DYNC2H1: variants seen among roughly 807,000 people sequenced by gnomAD.
The protein encoded by DYNC2H1 is dynein cytoplasmic 2 heavy chain 1.
DYNC2H1 carries 410 observed loss-of-function variants against 570.0 expected under a neutral mutation model. That is an observed-to-expected ratio of 0.72 (90% CI 0.66 to 0.78). The LOEUF (loss-of-function observed/expected upper bound fraction) is 0.78. Among genes scored for constraint, DYNC2H1 ranks in the 30% least tolerant of loss-of-function variants. DYNC2H1 has a pLI of 0.00. For missense variants in DYNC2H1, 4,865 were observed against 5,046.4 expected, an observed-to-expected ratio of 0.96 and a Z score of 1.09; for synonymous variants, 1,688 against 1,677.6, an observed-to-expected ratio of 1.01 and a Z score of -0.15.
At chr11:103,229,769 A>G (rs561449042) in intron 59 of DYNC2H1, among the ~76,000 whole-genome samples, 2 of 152,230 alleles carry the variant, frequency 1.3e-5, no homozygotes, top group South Asian at 2.1e-4. Context: ...CACATCTTCC[A>G]TGGTAGAAAG....
Position 103,303,093 on chromosome 11 carries a change from G to T in DYNC2H1, c.11096G>T (p.Gly3699Val). 1.3e-6 allele frequency: 2 copies of T among 1,502,844 alleles called. No homozygotes were observed. Among genetic ancestry groups the T allele is most frequent in the South Asian group, 1.4e-5 (1 of 69,848 alleles). The allele number at this position is 1,502,844 out of a possible 1,614,324, so 93.1% of individuals were successfully genotyped here. ...AMALFACKTL[G>V]LKEVSPLPLN... is the part of the protein sequence containing the mutation. ...TTAATTTTTAAAATATATATTTTAG[G>T]ACTGAAAGAGGTGTCCCCACTGCCT... Residue 3699 changes from glycine (G) to valine (V), a missense_variant and splice_region_variant, in exon 76 of 89, where the codon GGA becomes GTA. Around this residue, in one of 5 missense-constraint regions of DYNC2H1, gnomAD observed 2,401 missense variants for 2,454.6 expected, o/e 0.98. Transcript: ENST00000375735.
At chr11:103,248,570 G>A (rs918519728) in intron 65 of DYNC2H1, among the ~76,000 whole-genome samples, 3 of 151,996 alleles carry the variant, frequency 2.0e-5, no homozygotes, top group African/African-American at 7.2e-5. Flanking sequence ...GGAATCTATG[G>A]TGGCCACTGC....
At chr11:103,468,297 C>A (rs1330999174) in intron 87 of DYNC2H1, 11 of 185,208 alleles carry the variant, frequency 5.9e-5, no homozygotes, top group Admixed American at 2.4e-4. Flanking sequence ...GCTTTTGCCA[C>A]TGTAATTCTA....
rs980264012 is a variant in DYNC2H1 at position 103,326,883 on chromosome 11, C to T, written c.12039+2893C>T. On this transcript the variant is annotated intron_variant, in intron 82 of 88. Transcript: ENST00000375735. The surrounding 1 kb of genome is among the most constrained non-coding windows in gnomAD (Gnocchi z 6.1). Reference sequence around the variant, plus strand: ...CACTTAGGGCCTTACTCTACTACAGCTGTCCTGCACACAAAAGCTCCTGAG... The same window carrying T: ...CACTTAGGGCCTTACTCTACTACAGTTGTCCTGCACACAAAAGCTCCTGAG... 2.6e-5 allele frequency among the ~76,000 whole-genome samples: 4 copies of T among 152,224 alleles called. No individual in the cohort carries two copies. Among genetic ancestry groups the T allele is most frequent in the Admixed American group, 6.5e-5 (1 of 15,286 alleles).
intron 75 of DYNC2H1, among the ~76,000 whole-genome samples, chr11:103,297,472 C>G (rs1354342171): frequency 6.6e-6 from 1 of 151,978 alleles, no homozygotes; most frequent in African/African-American, 2.4e-5. Flanking sequence ...ATAGAGTGTA[C>G]GTAAACCTTG....
At chr11:103,320,233 G>A (rs11225714) in intron 80 of DYNC2H1, among the ~76,000 whole-genome samples, 24,962 of 151,888 alleles carry the variant, frequency 0.16, 2,241 homozygotes, top group Admixed American at 0.26. Context: ...GTGAAATCCC[G>A]TCTCTACTAA....
In DYNC2H1 at chr11:103,191,545, A is replaced by G. The variant is rs1862311855; in HGVS notation, c.7466A>G (p.Tyr2489Cys). Residue 2489 changes from tyrosine to cysteine, a missense_variant, in exon 46 of 89, where the codon TAT becomes TGT. Transcript: ENST00000375735. ...QVRAKFTVDD[Y>C]SHYFFTPCIL... ...CGAGCCAAATTTACAGTTGATGATT[A>G]TAGTCACTATTTCTTTACTCCTTGC... 6.2e-7 allele frequency: 1 copy of G among 1,608,898 alleles called. No individual in the cohort carries two copies. The highest frequency in any genetic ancestry group is 1.3e-5 in the African/African-American group (1 of 74,846).
rs1861441580 is a variant in DYNC2H1, at chr11:103,168,797, A to G, written c.4805A>G (p.Asp1602Gly). Reference protein sequence around the residue: ...LELKLKALILDIIHNIDVVKQ... With the variant: ...LELKLKALILGIIHNIDVVKQ... ...CTTAAACTTAAAGCCCTAATTCTTG[A>G]CATTATCCATAATATTGATGTGGTA... The change falls in exon 32 of 89, where the codon GAC (aspartate) becomes GGC (glycine). Residue 1602 changes from aspartate to glycine, a missense_variant. By Grantham distance (94) the Asp-to-Gly change is moderately conservative. Around this residue, in one of 5 missense-constraint regions of DYNC2H1, gnomAD observed 1,936 missense variants for 1,962.1 expected, o/e 0.99. Coordinates refer to ENST00000375735, the MANE Select transcript of DYNC2H1 (RefSeq NM_001377.3). 2.5e-6 allele frequency: 4 copies of G among 1,613,112 alleles called. No individual in the cohort carries two copies. Among genetic ancestry groups the G allele is most frequent in the African/African-American group, 2.7e-5 (2 of 74,894 alleles).
intron 84 of DYNC2H1, among the ~76,000 whole-genome samples, chr11:103,433,569 A>G (rs1308327359): frequency 6.6e-6 from 1 of 152,118 alleles, no homozygotes; most frequent in Non-Finnish European, 1.5e-5. Flanking sequence ...GTCAACTGTG[A>G]GTGAGAGGAG....
chr11:103,353,909 T>C (rs935315357), intron 82 of DYNC2H1, among the ~76,000 whole-genome samples: 1 of 152,084 alleles, frequency 6.6e-6, no homozygotes, highest in Non-Finnish European at 1.5e-5. Flanking sequence ...CCGGGTGCGG[T>C]GGCTCACACC....
chr11:103,121,040 A>G lies in DYNC2H1; in HGVS notation c.1360+4A>G, dbSNP rs761686119. 6.6e-7 allele frequency: 1 copy of G among 1,513,622 alleles called. No homozygotes were observed. Among genetic ancestry groups the G allele is most frequent in the Non-Finnish European group, 8.9e-7 (1 of 1,120,112 alleles). 93.8% of individuals were successfully genotyped at this position (1,513,622 alleles called of 1,614,324 possible). ...AGACTTGTGGACTCAATTAAAGGTA[A>G]AAGTTTATGAGATTATAGTGTTTGC... On this transcript the variant is annotated splice_donor_region_variant and intron_variant, in intron 9 of 88. Transcript: ENST00000375735.
intron 75 of DYNC2H1, among the ~76,000 whole-genome samples, chr11:103,302,053 A>G (rs533411511): frequency 3.4e-4 from 51 of 152,172 alleles, no homozygotes; most frequent in African/African-American, 1.2e-3. Context: ...TATATTAATA[A>G]TGGAAACTTT....
intron 84 of DYNC2H1, chr11:103,406,805 A>T (rs940414368): frequency 6.6e-6 from 1 of 151,990 alleles, no homozygotes. Context: ...GTGTTTATTG[A>T]TGGGAAAATT....
Position 103,113,567 on chromosome 11 carries a change from C to A in DYNC2H1, c.226C>A (p.Leu76Met). The A allele has an allele frequency of 1.3e-6, 2 of 1,575,444 alleles. No individual in the cohort carries two copies. Among genetic ancestry groups the A allele is most frequent in the South Asian group, 1.2e-5 (1 of 81,270 alleles). ...IEFGDTKDKV[L>M]VFFKLRPEVI... Reference sequence around the variant, plus strand: ...GTTTGGTGACACAAAAGATAAAGTGCTGGTGTTTTTCAAGCTGCGACCTGA... The same window carrying A: ...GTTTGGTGACACAAAAGATAAAGTGATGGTGTTTTTCAAGCTGCGACCTGA... The change falls in exon 2 of 89, where the codon CTG becomes ATG. Residue 76 changes from leucine to methionine, a missense_variant. Coordinates refer to ENST00000375735, the MANE Select transcript of DYNC2H1 (RefSeq NM_001377.3).
chr11:103,216,419 C>CT, intron 55 of DYNC2H1, among the ~76,000 whole-genome samples: 1 of 152,080 alleles, frequency 6.6e-6, no homozygotes, highest in East Asian at 1.9e-4. Context: ...TTATATTGCT[C>CT]TTACTACCAG....
In DYNC2H1 at chr11:103,326,780, A is replaced by C. The variant is rs1938511973; in HGVS notation, c.12039+2790A>C. 6.6e-6 allele frequency among the ~76,000 whole-genome samples: 1 copy of C among 152,222 alleles called. No homozygotes were observed. On this transcript the variant is annotated intron_variant, in intron 82 of 88. Coordinates refer to ENST00000375735, the MANE Select transcript of DYNC2H1 (RefSeq NM_001377.3). The surrounding 1 kb of genome is among the most constrained non-coding windows in gnomAD (Gnocchi z 6.1). ...GTGCCCCAATCCTGTGGGGGAAGCC[A>C]GCCTGCTGTCTCTTGGCCTGGCAGT...
chr11:103,161,381 C>T (rs906825096), intron 29 of DYNC2H1, among the ~76,000 whole-genome samples: 10 of 152,034 alleles, frequency 6.6e-5, no homozygotes, highest in African/African-American at 2.2e-4. Context: ...AATCTCAGTA[C>T]AGGTGGAGTA....
In DYNC2H1 at chr11:103,163,074, A is replaced by T. The variant is rs1173677747; in HGVS notation, c.4538A>T (p.Gln1513Leu). 2 of 1,613,202 alleles carry T rather than the reference A, an allele frequency of 1.2e-6. No individual in the cohort carries two copies. The highest frequency in any genetic ancestry group is 3.3e-5 in the Admixed American group (2 of 60,002). Residue 1513 changes from glutamine (Q) to leucine (L), a missense_variant, in exon 30 of 89, where the codon CAG becomes CTG. Gln to Leu is a moderately radical substitution (Grantham distance 113). This residue lies in a region of DYNC2H1 where 1,936 missense variants were observed against 1,962.1 expected (regional missense o/e 0.99). Transcript: ENST00000375735. This position sits in a 1 kb window ranked among gnomAD's most constrained non-coding sequence, Gnocchi z 4.6. The part of the protein sequence containing the change: ...LALEMKKTLE[Q>L]LLKECVTTGR... ...TTAGAAATGAAGAAAACTTTGGAACAGTTGTTGAAGGAATGTGTTACTACT... is the reference window on the plus strand; with the variant it reads ...TTAGAAATGAAGAAAACTTTGGAACTGTTGTTGAAGGAATGTGTTACTACT...
At position 103,465,813 on chromosome 11, in the gene DYNC2H1, T is replaced by TAG. The variant is rs376256822; in HGVS notation, c.12649-2774_12649-2773dup. Among the ~76,000 whole-genome samples, 12 of 152,314 alleles carry TAG rather than the reference T, an allele frequency of 7.9e-5. 1 individual carries two copies. The highest frequency in any genetic ancestry group is 2.9e-4 in the African/African-American group (12 of 41,570). Reference sequence around the variant, plus strand: ...TATGGTGGTTTCAGTGCAGCATTTCTAGAAGGCAGAGCCTTTTAAAGCCTA... The same window carrying TAG: ...TATGGTGGTTTCAGTGCAGCATTTCTAGAGAAGGCAGAGCCTTTTAAAGCCTA... On this transcript the variant is annotated intron_variant, in intron 87 of 88. Coordinates refer to ENST00000375735, the MANE Select transcript of DYNC2H1 (RefSeq NM_001377.3). This position sits in a 1 kb window ranked among gnomAD's most constrained non-coding sequence, Gnocchi z 4.9.
Sources: allele counts gnomAD v4.1 joint callset (sites outside exome capture counted in the v4.1 genomes callset), GRCh38; gene constraint gnomAD v4.1.1; regional missense constraint gnomAD v4.1.1; non-coding constraint Gnocchi (gnomAD v3.1); transcripts MANE v1.5; gene names NCBI Gene and HGNC (gene_info 2026-07-23, HGNC 2026-07-21).